Variants in CAMTA1 observed in about 807,000 individuals in gnomAD.
CAMTA1 encodes calmodulin-binding transcription activator 1.
Under a neutral mutation model 170.9 loss-of-function variants are expected in CAMTA1, and 27 were observed. That is an observed-to-expected ratio of 0.16 (90% CI 0.12 to 0.22). CAMTA1 has a LOEUF of 0.22. Among genes scored for constraint, CAMTA1 ranks in the 10% least tolerant of loss-of-function variants. CAMTA1 has a pLI of 1.00. For missense variants in CAMTA1, 1,619 were observed against 2,217.2 expected (o/e 0.73, Z 5.42); for synonymous variants, 833 against 891.5 (o/e 0.93, Z 1.17).
rs374888244 is a variant in CAMTA1 at position 7,251,967 on chromosome 1, A to G, written c.438+2341A>G. On this transcript the variant is annotated intron_variant, in intron 5 of 22. Transcript: ENST00000303635. This position sits in a 1 kb window ranked among gnomAD's most constrained non-coding sequence, Gnocchi z 5.1. ...TGGTCTGAGCTGTGTCTATGTTGAT[A>G]TTGAGGTCTCTTCATCCCTTTTCAC... 6.6e-6 allele frequency among the ~76,000 whole-genome samples: 1 copy of G among 152,222 alleles called. No homozygotes were observed. The highest frequency in any genetic ancestry group is 2.4e-5 in the African/African-American group (1 of 41,544).
intron 6 of CAMTA1, among the ~76,000 whole-genome samples, chr1:7,610,785 G>A (rs2095518573): frequency 6.6e-6 from 1 of 152,260 alleles, no homozygotes; most frequent in African/African-American, 2.4e-5. Flanking sequence ...CTAAGGCAAG[G>A]ATGGGTCCTT....
chr1:7,396,494 TC>T (rs1359865429), intron 5 of CAMTA1, among the ~76,000 whole-genome samples: 1 of 152,250 alleles, frequency 6.6e-6, no homozygotes, highest in Non-Finnish European at 1.5e-5. Flanking sequence ...TATTTCTTTC[TC>T]TTGCCTAATT....
At chr1:7,498,205 T>TGTGTGA (rs1557817341) in intron 6 of CAMTA1, among the ~76,000 whole-genome samples, 107 of 151,756 alleles carry the variant, frequency 7.1e-4, no homozygotes, top group African/African-American at 2.5e-3. Context: ...TGTGTGTGTG[T>TGTGTGA]GACAGTGTGG....
At chr1:7,571,583 G>T (rs942762622) in intron 6 of CAMTA1, among the ~76,000 whole-genome samples, 5 of 152,170 alleles carry the variant, frequency 3.3e-5, no homozygotes, top group African/African-American at 1.2e-4. Context: ...GTGAGAACAT[G>T]CAGTAGTTGG....
chr1:7,072,242 T>A (rs1638745763), intron 3 of CAMTA1, among the ~76,000 whole-genome samples: 1 of 152,204 alleles, frequency 6.6e-6, no homozygotes, highest in Non-Finnish European at 1.5e-5. Context: ...ACCATCTTCC[T>A]CCCTGGCTGT....
intron 6 of CAMTA1, among the ~76,000 whole-genome samples, chr1:7,544,219 TGAA>T (rs2094656042): frequency 6.6e-6 from 1 of 151,964 alleles, no homozygotes; most frequent in Admixed American, 6.6e-5. Context: ...AAGAGAAAAA[TGAA>T]GAAGATGCAA....
chr1:7,692,311 G>T (rs2149417056), intron 11 of CAMTA1, among the ~76,000 whole-genome samples: 1 of 152,252 alleles, frequency 6.6e-6, no homozygotes, highest in Admixed American at 6.5e-5. Context: ...GCTCACTGAA[G>T]CTGGAAGAGA....
intron 3 of CAMTA1, among the ~76,000 whole-genome samples, chr1:6,974,713 C>A (rs1300278172): frequency 6.6e-6 from 1 of 152,202 alleles, no homozygotes; most frequent in Non-Finnish European, 1.5e-5. Context: ...GGTTTCCTAG[C>A]ACTTTGGAAC....
At chr1:6,853,685 C>T (rs540682575) in intron 3 of CAMTA1, among the ~76,000 whole-genome samples, 12 of 152,152 alleles carry the variant, frequency 7.9e-5, no homozygotes, top group East Asian at 1.9e-4. Context: ...AACTCTGTAC[C>T]GCTTTCAAGG....
chr1:7,005,530 C>A (rs1047196380), intron 3 of CAMTA1, among the ~76,000 whole-genome samples: 2 of 152,166 alleles, frequency 1.3e-5, no homozygotes, highest in South Asian at 2.1e-4. Context: ...GCCTCTGTGG[C>A]AGGTGCTGAG....
In CAMTA1 at chr1:7,736,587, G is replaced by T. The variant is rs368678490; in HGVS notation, c.3263+47G>T. 23 of 1,566,058 alleles carry T rather than the reference G, an allele frequency of 1.5e-5. No individual in the cohort carries two copies. Among genetic ancestry groups the T allele is most frequent in the Non-Finnish European group, 2.0e-5 (23 of 1,138,058 alleles). On this transcript the variant is annotated intron_variant, in intron 13 of 22. Coordinates refer to ENST00000303635, the MANE Select transcript of CAMTA1 (RefSeq NM_015215.4). This position sits in a 1 kb window ranked among gnomAD's most constrained non-coding sequence, Gnocchi z 4.5. ...CTGGGGGTCAGCCTCGCACATCCTCGCTCACATTCTTCCTGAGCACTGCCA... is the reference window on the plus strand; with the variant it reads ...CTGGGGGTCAGCCTCGCACATCCTCTCTCACATTCTTCCTGAGCACTGCCA...
At chr1:7,743,699 G>A (rs1312705700) in intron 16 of CAMTA1, among the ~76,000 whole-genome samples, 2 of 152,060 alleles carry the variant, frequency 1.3e-5, no homozygotes, top group African/African-American at 2.4e-5. Context: ...TTAAGAACCC[G>A]AAGTGCTGTG....
chr1:7,290,578 C>G (rs1453665141), intron 5 of CAMTA1, among the ~76,000 whole-genome samples: 3 of 152,188 alleles, frequency 2.0e-5, no homozygotes, highest in African/African-American at 7.2e-5. Flanking sequence ...CAACCACCCC[C>G]CCCATGCACG....
intron 5 of CAMTA1, among the ~76,000 whole-genome samples, chr1:7,434,450 ACCATTCAT>A (rs955007832): frequency 3.0e-4 from 20 of 65,818 alleles, no homozygotes; most frequent in African/African-American, 2.0e-3. Context: ...GGAGGAAAGC[ACCATTCAT>A]TCATTCATTC....
chr1:6,969,744 C>T (rs1692203937), intron 3 of CAMTA1, among the ~76,000 whole-genome samples: 1 of 152,214 alleles, frequency 6.6e-6, no homozygotes, highest in Non-Finnish European at 1.5e-5. Context: ...TAAACTTCAT[C>T]CACATTCCTC....
chr1:7,062,207 C>T (rs535913759), intron 3 of CAMTA1, among the ~76,000 whole-genome samples: 4 of 152,242 alleles, frequency 2.6e-5, no homozygotes, highest in African/African-American at 4.8e-5. Context: ...CGTGAGTCAC[C>T]GCCCCCGGCG....
intron 6 of CAMTA1, among the ~76,000 whole-genome samples, chr1:7,600,152 G>A (rs1010887344): frequency 4.1e-5 from 6 of 146,744 alleles, no homozygotes; most frequent in South Asian, 2.1e-4. Context: ...CAGCATGAAG[G>A]GTTGTTGAAT....
At chr1:7,128,859 G>A (rs1216310731) in intron 4 of CAMTA1, among the ~76,000 whole-genome samples, 1 of 41,098 alleles carries the variant, frequency 2.4e-5, no homozygotes, top group Non-Finnish European at 4.6e-5. Context: ...TTTTTTTTTT[G>A]AGACAAGGTC....
intron 4 of CAMTA1, among the ~76,000 whole-genome samples, chr1:7,236,567 G>T (rs954923475): frequency 6.6e-6 from 1 of 152,188 alleles, no homozygotes; most frequent in African/African-American, 2.4e-5. Context: ...GCTGTGCGAC[G>T]TTGGGGAAGT....
Sources: allele counts gnomAD v4.1 joint callset (sites outside exome capture counted in the v4.1 genomes callset), GRCh38; gene constraint gnomAD v4.1.1; non-coding constraint Gnocchi (gnomAD v3.1); transcripts MANE v1.5; gene names NCBI Gene and HGNC (gene_info 2026-07-23, HGNC 2026-07-21).